The following MYCT1 variants were observed in gnomAD, a reference collection of about 807,000 sequenced individuals.
MYCT1 encodes MYC target 1.
Under a neutral mutation model 15.0 loss-of-function variants are expected in MYCT1, and 12 were observed. That is an observed-to-expected ratio of 0.80 (90% confidence interval 0.51 to 1.29). MYCT1 has a LOEUF of 1.29. Ranked by LOEUF, MYCT1 falls within the 50% of genes most tolerant of loss-of-function variation. MYCT1 has a pLI of 0.00. For missense variants in MYCT1, 287 were observed against 279.1 expected (o/e 1.03, Z -0.20); for synonymous variants, 104 against 102.7 (o/e 1.01, Z -0.07).
At position 152,722,741 on chromosome 6, in the gene MYCT1, C is replaced by CTT; in HGVS notation, c.*496_*497dup. The CTT allele has an allele frequency of 1.7e-5, 7 of 400,910 alleles. No homozygotes were observed. Among genetic ancestry groups the CTT allele is most frequent in the South Asian group, 3.7e-5 (2 of 54,582 alleles). 24.8% of individuals were successfully genotyped at this position (400,910 alleles called of 1,614,324 possible). ...TGACATTTTACAATCTTAGATTTTT[C>CTT]TTTTTTTTTCTTTTGAGACAGGGTC... On this transcript the variant is annotated 3_prime_UTR_variant, in exon 2 of 2. Coordinates refer to ENST00000367245, the MANE Select transcript of MYCT1 (RefSeq NM_025107.3).
chr6:152,731,817 A>G, the MYCT1 span, among the ~76,000 whole-genome samples: 2 of 148,908 alleles, frequency 1.3e-5, no homozygotes, highest in Non-Finnish European at 3.0e-5. Context: ...GCGCGATATC[A>G]GCTCGCTGCT....
In MYCT1 at chr6:152,722,211, A is replaced by G. The variant is rs766783424; in HGVS notation, c.666A>G (p.Pro222=). The part of the protein sequence containing the change: ...SLRVGLSTPP[P]PAYESIIKAF... ...GAGTGGGCCTTTCAACACCGCCCCCACCTGCCTATGAGTCCATCATCAAGG... is the reference window on the plus strand; with the variant it reads ...GAGTGGGCCTTTCAACACCGCCCCCGCCTGCCTATGAGTCCATCATCAAGG... The change falls in exon 2 of 2, where the codon CCA becomes CCG. Residue 222 remains proline (P), a synonymous_variant. Transcript: ENST00000367245. 5.0e-6 allele frequency: 8 copies of G among 1,613,812 alleles called. No individual in the cohort carries two copies. The African/African-American group carries it at 1.1e-4, about 22-fold the overall frequency.
At chr6:152,708,653 T>C (rs1377832459) in intron 1 of MYCT1, among the ~76,000 whole-genome samples, 1 of 152,060 alleles carries the variant, frequency 6.6e-6, no homozygotes, top group Admixed American at 6.6e-5. Context: ...ATTTTTGCTC[T>C]AGCTAGAAAA....
At chr6:152,714,077 T>C (rs2099723198) in intron 1 of MYCT1, among the ~76,000 whole-genome samples, 1 of 152,098 alleles carries the variant, frequency 6.6e-6, no homozygotes, top group Admixed American at 6.6e-5. Flanking sequence ...TTTGGAATCC[T>C]AGCTTGATGT....
At chr6:152,736,336 G>T in the MYCT1 span, among the ~76,000 whole-genome samples, 1 of 152,114 alleles carries the variant, frequency 6.6e-6, no homozygotes, top group Non-Finnish European at 1.5e-5. Context: ...GGAATTTTAT[G>T]TGGATGTGTC....
chr6:152,737,056 A>T, the MYCT1 span, among the ~76,000 whole-genome samples: 1 of 152,156 alleles, frequency 6.6e-6, no homozygotes, highest in Non-Finnish European at 1.5e-5. Flanking sequence ...TAAAGCAGAT[A>T]TAACCAAAAG....
At chr6:152,725,834 G>A (rs373776499), downstream of MYCT1, among the ~76,000 whole-genome samples, 3 of 152,144 alleles carry the variant, frequency 2.0e-5, no homozygotes, top group African/African-American at 7.2e-5. Context: ...TGCTATACTA[G>A]CCATGTGGGA....
the MYCT1 span, among the ~76,000 whole-genome samples, chr6:152,734,749 T>C: frequency 2.6e-5 from 4 of 152,316 alleles, no homozygotes; most frequent in East Asian, 7.7e-4. Context: ...GTCTGGCCTT[T>C]GACGTTATCT....
chr6:152,702,016 G>A (rs7753479), intron 1 of MYCT1, among the ~76,000 whole-genome samples: 60,641 of 151,880 alleles, frequency 0.4, 12,513 homozygotes, highest in East Asian at 0.62. Flanking sequence ...GGTTCTCAGA[G>A]CGGCTTGCCA....
chr6:152,717,266 T>C (rs892681000), intron 1 of MYCT1, among the ~76,000 whole-genome samples: 6 of 152,208 alleles, frequency 3.9e-5, no homozygotes, highest in Non-Finnish European at 8.8e-5. Context: ...CCTTTGCTGT[T>C]TGGACTTAAG....
chr6:152,733,261 G>C, the MYCT1 span, among the ~76,000 whole-genome samples: 2 of 151,970 alleles, frequency 1.3e-5, no homozygotes, highest in African/African-American at 4.8e-5. Flanking sequence ...ATGCCACCAT[G>C]CCTGGCTAAT....
intron 1 of MYCT1, among the ~76,000 whole-genome samples, chr6:152,706,937 T>C (rs1022658304): frequency 1.2e-4 from 18 of 151,994 alleles, no homozygotes; most frequent in Admixed American, 9.2e-4. Flanking sequence ...GTGGATTATG[T>C]ATTTTGGCCA....
chr6:152,707,864 A>G (rs534720634), intron 1 of MYCT1, among the ~76,000 whole-genome samples: 1 of 152,154 alleles, frequency 6.6e-6, no homozygotes, highest in South Asian at 2.1e-4. Flanking sequence ...CTAAATGTCT[A>G]TGTAAATGCC....
the MYCT1 span, among the ~76,000 whole-genome samples, chr6:152,734,752 C>T: frequency 3.9e-5 from 6 of 152,034 alleles, no homozygotes; most frequent in Non-Finnish European, 8.8e-5. Flanking sequence ...TGGCCTTTGA[C>T]GTTATCTTCC....
chr6:152,704,863 G>T (rs2099721986), intron 1 of MYCT1, among the ~76,000 whole-genome samples: 1 of 151,948 alleles, frequency 6.6e-6, no homozygotes, highest in East Asian at 1.9e-4. Flanking sequence ...TATTTTTGGT[G>T]GTAAGAACAT....
At chr6:152,704,654 T>C (rs1173755742) in intron 1 of MYCT1, among the ~76,000 whole-genome samples, 1 of 152,166 alleles carries the variant, frequency 6.6e-6, no homozygotes, top group African/African-American at 2.4e-5. Context: ...TATTATTAAC[T>C]GTTTTTCTCT....
At chr6:152,702,056 A>G (rs1246426549) in intron 1 of MYCT1, among the ~76,000 whole-genome samples, 4 of 152,106 alleles carry the variant, frequency 2.6e-5, no homozygotes, top group Admixed American at 6.6e-5. Flanking sequence ...AATAAGTACC[A>G]GTTCCTCTGG....
Position 152,721,962 on chromosome 6 carries a change from G to T in MYCT1, c.417G>T (p.Leu139=). The T allele has an allele frequency of 6.2e-7, 1 of 1,614,102 alleles. No homozygotes were observed. Among genetic ancestry groups the T allele is most frequent in the East Asian group, 2.2e-5 (1 of 44,880 alleles). Reference sequence around the variant, plus strand: ...GTGAACGTCGAAGCAACCTCAGCCTGGCCAGTCTCACCTTCCAGCGACAAG... The same window carrying T: ...GTGAACGTCGAAGCAACCTCAGCCTTGCCAGTCTCACCTTCCAGCGACAAG... ...SGCERRSNLS[L]ASLTFQRQAS... The change falls in exon 2 of 2, where the codon CTG becomes CTT. Residue 139 remains leucine, a synonymous_variant. Coordinates refer to ENST00000367245, the MANE Select transcript of MYCT1 (RefSeq NM_025107.3).
the MYCT1 span, among the ~76,000 whole-genome samples, chr6:152,743,357 C>T: frequency 9.4e-4 from 143 of 152,282 alleles, 2 homozygotes; most frequent in East Asian, 0.024. Flanking sequence ...TGAGCCACTG[C>T]GCCCGGCCCT....
Sources: allele counts gnomAD v4.1 joint callset (sites outside exome capture counted in the v4.1 genomes callset), GRCh38; gene constraint gnomAD v4.1.1; transcripts MANE v1.5; gene names NCBI Gene and HGNC (gene_info 2026-07-23, HGNC 2026-07-21).